GTF2IRD1: variants seen among roughly 807,000 people sequenced by gnomAD.
GTF2IRD1 encodes the protein general transcription factor II-I repeat domain-containing protein 1.
In GTF2IRD1, 26 loss-of-function variants were observed where a neutral mutation model predicts 113.2. That is an observed-to-expected ratio of 0.23 (90% CI 0.17 to 0.32). The LOEUF is 0.32. Among genes scored for constraint, GTF2IRD1 ranks in the 10% least tolerant of loss-of-function variants. The pLI is 1.00. For synonymous variants in GTF2IRD1, 484 were observed against 529.1 expected (o/e 0.91, Z 1.17); for missense variants, 864 against 1,280.8 (o/e 0.67, Z 4.97).
Position 74,518,307 on chromosome 7 carries a change from G to A in GTF2IRD1, c.590G>A (p.Arg197His), listed in dbSNP as rs782196005. 7.5e-6 allele frequency: 12 copies of A among 1,596,362 alleles called. No homozygotes were observed. The highest frequency in any genetic ancestry group is 3.3e-5 in the South Asian group (3 of 90,244). The change falls in exon 5 of 27, where the codon CGC becomes CAC. Residue 197 changes from arginine to histidine, a missense_variant. By Grantham distance (29) the Arg-to-His change is conservative (BLOSUM62 0). Around this residue, in one of 7 missense-constraint regions of GTF2IRD1, gnomAD observed 195 missense variants for 196.6 expected, o/e 0.99. Coordinates refer to ENST00000424337, the MANE Select transcript of GTF2IRD1 (RefSeq NM_005685.4). ...ATCCTGGAACACAGCCACCGCATCC[G>A]CTTCAAGCTCAAGAGGTGAGTGAGG... ...MAILEHSHRIRFKLKRPLEDG... is the reference protein window; with the variant it reads ...MAILEHSHRIHFKLKRPLEDG...
Position 74,558,973 on chromosome 7 carries a change from C to G in GTF2IRD1, c.2220C>G (p.Pro740=), listed in dbSNP as rs782738408. Residue 740 remains proline (P), a synonymous_variant, in exon 21 of 27, where the codon CCC becomes CCG. Coordinates refer to ENST00000424337, the MANE Select transcript of GTF2IRD1 (RefSeq NM_005685.4). ...CCCCAGGAATCCCGTTCCGAAAGCC[C>G]TGTACCTTCGGCTCCCAGAACCTGG... is the stretch of plus-strand genomic sequence containing the variant. ...GLPPGIPFRK[P]CTFGSQNLER... is the part of the protein sequence containing the mutation. 6 of 1,614,052 alleles carry G rather than the reference C, an allele frequency of 3.7e-6. No individual in the cohort carries two copies. The highest frequency in any genetic ancestry group is 3.4e-6 in the Non-Finnish European group (4 of 1,180,036).
At chr7:74,567,752 G>A (rs1360709421) in intron 22 of GTF2IRD1, among the ~76,000 whole-genome samples, 3 of 152,004 alleles carry the variant, frequency 2.0e-5, no homozygotes, top group African/African-American at 7.2e-5. Context: ...ATGAACAAGA[G>A]TTGAGAGTGG....
intron 25 of GTF2IRD1, among the ~76,000 whole-genome samples, chr7:74,598,148 G>A (rs771507671): frequency 4.0e-5 from 6 of 151,822 alleles, no homozygotes; most frequent in Non-Finnish European, 8.8e-5. Flanking sequence ...GCTTGAGGCC[G>A]GAAGGTGGAG....
In GTF2IRD1 at chr7:74,518,312, A is replaced by G; in HGVS notation, c.595A>G (p.Lys199Glu). ...ILEHSHRIRF[K>E]LKRPLEDGGR... ...GGAACACAGCCACCGCATCCGCTTC[A>G]AGCTCAAGAGGTGAGTGAGGTAGCC... Residue 199 changes from lysine to glutamate, a missense_variant, in exon 5 of 27, where the codon AAG (lysine) becomes GAG (glutamate). Around this residue, in one of 7 missense-constraint regions of GTF2IRD1, gnomAD observed 195 missense variants for 196.6 expected, o/e 0.99. Transcript: ENST00000424337. 2 of 1,595,880 alleles carry G rather than the reference A, an allele frequency of 1.3e-6. No individual in the cohort carries two copies. The highest frequency in any genetic ancestry group is 1.7e-6 in the Non-Finnish European group (2 of 1,167,016).
In GTF2IRD1 at chr7:74,539,901, A is replaced by C; in HGVS notation, c.1551A>C (p.Glu517Asp). ...CAGACCCCTCGCCAACCTCTGAGGA[A>C]ATGACAGACTCGATGCCTGGGCACC... ...TVPDPSPTSE[E>D]MTDSMPGHLP... Residue 517 changes from glutamate to aspartate, a missense_variant, in exon 14 of 27, where the codon GAA becomes GAC. Coordinates refer to ENST00000424337, the MANE Select transcript of GTF2IRD1 (RefSeq NM_005685.4). The C allele has an allele frequency of 6.2e-7, 1 of 1,612,792 alleles. No individual in the cohort carries two copies. The highest frequency in any genetic ancestry group is 8.5e-7 in the Non-Finnish European group (1 of 1,179,732).
intron 22 of GTF2IRD1, among the ~76,000 whole-genome samples, chr7:74,587,096 T>TA (rs1242332925): frequency 6.6e-6 from 1 of 152,000 alleles, no homozygotes; most frequent in Non-Finnish European, 1.5e-5. Flanking sequence ...TGCAGTGAGC[T>TA]ATGATGGCAC....
intron 11 of GTF2IRD1, 123 bp downstream of exon 11, chr7:74,536,398 G>A: frequency 1.7e-6 from 1 of 603,330 alleles, no homozygotes; most frequent in Non-Finnish European, 3.0e-6. Flanking sequence ...AAGGTGCAAA[G>A]GGAGGGCAAG....
At chr7:74,491,032 G>T (rs546756077) in intron 1 of GTF2IRD1, among the ~76,000 whole-genome samples, 1 of 152,310 alleles carries the variant, frequency 6.6e-6, no homozygotes, top group South Asian at 2.1e-4. Flanking sequence ...TTCAGGCCGA[G>T]TGCGGTGGCT....
chr7:74,499,647 GGAAT>G (rs1218124532), intron 1 of GTF2IRD1, among the ~76,000 whole-genome samples: 1 of 151,308 alleles, frequency 6.6e-6, no homozygotes, highest in Non-Finnish European at 1.5e-5. Context: ...CACACACCAA[GGAAT>G]GAATGAATGC....
intron 22 of GTF2IRD1, among the ~76,000 whole-genome samples, chr7:74,564,261 A>G (rs1554359967): frequency 6.6e-6 from 1 of 152,164 alleles, no homozygotes; most frequent in African/African-American, 2.4e-5. Flanking sequence ...TTCTGACCTC[A>G]GGTGATCAGC....
Position 74,564,198 on chromosome 7 carries a change from T to C in GTF2IRD1, c.2320+4543T>C, listed in dbSNP as rs113729878. On this transcript the variant is annotated intron_variant, in intron 22 of 26. Coordinates refer to ENST00000424337, the MANE Select transcript of GTF2IRD1 (RefSeq NM_005685.4). ...TGCACCATGACACTCGGCTAATTTT[T>C]GTATTTTGAGTAGAGACGGGGTTTC... Among the ~76,000 whole-genome samples the C allele has an allele frequency of 2.8e-4, 43 of 152,252 alleles. 1 individual carries two copies. Among genetic ancestry groups the C allele is most frequent in the African/African-American group, 9.4e-4 (39 of 41,546 alleles).
intron 22 of GTF2IRD1, among the ~76,000 whole-genome samples, chr7:74,575,219 A>G (rs186080579): frequency 6.6e-6 from 1 of 152,296 alleles, no homozygotes; most frequent in Admixed American, 6.5e-5. Flanking sequence ...TTGCAACATT[A>G]TTTAGGTGAT....
intron 1 of GTF2IRD1, chr7:74,507,775 A>T (rs1796378380): frequency 3.3e-6 from 1 of 305,252 alleles, no homozygotes; most frequent in Non-Finnish European, 6.2e-6. Flanking sequence ...AGAATTGCAC[A>T]CGCCGGGAGA....
intron 1 of GTF2IRD1, chr7:74,506,649 G>C (rs1217931671): frequency 6.6e-6 from 1 of 152,176 alleles, no homozygotes; most frequent in Non-Finnish European, 1.5e-5. Context: ...GCTTGGATTG[G>C]TGCAGGGACA....
At chr7:74,464,454 T>C (rs1180742026) in intron 1 of GTF2IRD1, among the ~76,000 whole-genome samples, 1 of 152,106 alleles carries the variant, frequency 6.6e-6, no homozygotes, top group East Asian at 1.9e-4. Context: ...TGTTGTTATT[T>C]GTTTGTTTTT....
At chr7:74,493,458 C>A (rs782499124) in intron 1 of GTF2IRD1, among the ~76,000 whole-genome samples, 2 of 152,076 alleles carry the variant, frequency 1.3e-5, no homozygotes, top group Non-Finnish European at 2.9e-5. Flanking sequence ...AGAGCCTACC[C>A]GGCTAAGCCA....
chr7:74,527,528 C>T lies in GTF2IRD1; in HGVS notation c.1091-2206C>T, dbSNP rs62475377. Among the ~76,000 whole-genome samples, 228 of 152,156 alleles carry T rather than the reference C, an allele frequency of 1.5e-3. 1 individual carries two copies. The Middle Eastern group carries it at 0.027, about 18-fold the overall frequency. Reference sequence around the variant, plus strand: ...AGAAAGTACCAGCTTGTATTAGGAACATAGTAGGTGCTTAAAAAGTATTTG... The same window carrying T: ...AGAAAGTACCAGCTTGTATTAGGAATATAGTAGGTGCTTAAAAAGTATTTG... On this transcript the variant is annotated intron_variant, in intron 8 of 26. Transcript: ENST00000424337.
In GTF2IRD1 at chr7:74,496,651, GGTGT is replaced by G. The variant is rs564432763; in HGVS notation, c.-6-11416_-6-11413del. Among the ~76,000 whole-genome samples the G allele has an allele frequency of 6.0e-5, 9 of 149,890 alleles. No individual in the cohort carries two copies. In the South Asian group the frequency reaches 6.3e-4, roughly 11 times the overall value. ...GGGTGTGCATGTATGTGTGCGTGTG[GGTGT>G]GTGTGTGAGTGTGCATGCATGTGTG... On this transcript the variant is annotated intron_variant, in intron 1 of 26. Coordinates refer to ENST00000424337, the MANE Select transcript of GTF2IRD1 (RefSeq NM_005685.4).
chr7:74,527,089 T>TA (rs1797643753), intron 8 of GTF2IRD1, among the ~76,000 whole-genome samples: 1 of 151,894 alleles, frequency 6.6e-6, no homozygotes, highest in Non-Finnish European at 1.5e-5. Context: ...AGCCAGGAGA[T>TA]ATGGGAGCCT....
Sources: allele counts gnomAD v4.1 joint callset (sites outside exome capture counted in the v4.1 genomes callset), GRCh38; gene constraint gnomAD v4.1.1; regional missense constraint gnomAD v4.1.1; transcripts MANE v1.5; gene names NCBI Gene and HGNC (gene_info 2026-07-23, HGNC 2026-07-21).